The following FOXP1 variants were observed in gnomAD, a reference collection of about 807,000 sequenced individuals.
The protein encoded by FOXP1 is forkhead box P1, also known as forkhead box protein P1.
A neutral mutation model predicts 98.2 loss-of-function variants in FOXP1; 15 were observed. The observed-to-expected ratio is 0.15, with a 90% confidence interval of 0.10 to 0.24. FOXP1 has a LOEUF of 0.24. FOXP1 is among the 10% of genes least tolerant of loss of function. The pLI, the probability that FOXP1 is intolerant of heterozygous loss-of-function variation, is 1.00. For missense variants in FOXP1, 633 were observed against 848.5 expected (o/e 0.75, Z 3.15); for synonymous variants, 371 against 314.5 (o/e 1.18, Z -1.90).
At chr3:71,569,372 G>A (rs1380319309) in intron 2 of FOXP1, among the ~76,000 whole-genome samples, 1 of 152,132 alleles carries the variant, frequency 6.6e-6, no homozygotes, top group Admixed American at 6.5e-5. Flanking sequence ...GGCCCATTAC[G>A]GCCTTATTCC....
chr3:71,437,777 G>A (rs866296986), intron 3 of FOXP1, among the ~76,000 whole-genome samples: 40 of 152,324 alleles, frequency 2.6e-4, no homozygotes, highest in African/African-American at 9.1e-4. Context: ...TTAAGAGCCT[G>A]TTCCTCTGGC....
At chr3:71,151,904 T>TAATGA (rs748401508) in intron 6 of FOXP1, among the ~76,000 whole-genome samples, 30 of 152,290 alleles carry the variant, frequency 2.0e-4, no homozygotes, top group Non-Finnish European at 3.4e-4. Flanking sequence ...AGATGGCCCC[T>TAATGA]AATGACCATA....
chr3:71,565,491 G>A (rs1300871276), intron 2 of FOXP1, among the ~76,000 whole-genome samples: 1 of 152,140 alleles, frequency 6.6e-6, no homozygotes. Context: ...TTCAAATCAA[G>A]AATTACTCAA....
At chr3:71,268,904 C>T (rs1161537736) in intron 5 of FOXP1, among the ~76,000 whole-genome samples, 1 of 152,152 alleles carries the variant, frequency 6.6e-6, no homozygotes, top group Non-Finnish European at 1.5e-5. Flanking sequence ...ATTCCAGGGT[C>T]TCCCTATCAC....
At chr3:71,280,037 G>C (rs1251148584) in intron 5 of FOXP1, among the ~76,000 whole-genome samples, 1 of 149,682 alleles carries the variant, frequency 6.7e-6, no homozygotes, top group Non-Finnish European at 1.5e-5. Flanking sequence ...GCAGGAGAAT[G>C]GCGTGAACCC....
At chr3:71,240,486 G>A (rs1031151074) in intron 5 of FOXP1, among the ~76,000 whole-genome samples, 1 of 152,008 alleles carries the variant, frequency 6.6e-6, no homozygotes, top group Non-Finnish European at 1.5e-5. Context: ...CAGGCAGAAT[G>A]GGGGGAAAAA....
chr3:71,318,576 G>A (rs1232137505), intron 4 of FOXP1, among the ~76,000 whole-genome samples: 5 of 152,318 alleles, frequency 3.3e-5, no homozygotes, highest in South Asian at 2.1e-4. Flanking sequence ...CTAGAAGGCC[G>A]TACCACTCTA....
chr3:71,282,297 A>C (rs750565479), intron 5 of FOXP1, among the ~76,000 whole-genome samples: 27 of 152,132 alleles, frequency 1.8e-4, no homozygotes, highest in Non-Finnish European at 3.5e-4. Context: ...TTTGGGCCAA[A>C]AGACAGTACC....
At chr3:71,546,968 G>C (rs571069985) in intron 2 of FOXP1, among the ~76,000 whole-genome samples, 47 of 152,276 alleles carry the variant, frequency 3.1e-4, no homozygotes, top group South Asian at 1.2e-3. Flanking sequence ...ACACAGAGAG[G>C]AAGAGAGAAA....
At chr3:71,466,463 C>T (rs2088751096) in intron 3 of FOXP1, among the ~76,000 whole-genome samples, 1 of 152,202 alleles carries the variant, frequency 6.6e-6, no homozygotes, top group Non-Finnish European at 1.5e-5. Flanking sequence ...TTGTTCAATA[C>T]ATAACAGAGA....
intron 5 of FOXP1, among the ~76,000 whole-genome samples, chr3:71,199,197 C>T (rs754621157): frequency 2.6e-5 from 4 of 151,732 alleles, no homozygotes; most frequent in East Asian, 2.0e-4. Flanking sequence ...CTCCGCCTCC[C>T]GGGCTCAAGC....
intron 6 of FOXP1, among the ~76,000 whole-genome samples, chr3:71,185,522 A>G (rs916198844): frequency 1.3e-5 from 2 of 152,228 alleles, no homozygotes; most frequent in African/African-American, 4.8e-5. Context: ...AACACCAACT[A>G]AATTATCACA....
At position 71,528,074 on chromosome 3, in the gene FOXP1, T is replaced by A. The variant is rs1014366664; in HGVS notation, c.-297-34519A>T. ...TTTGTGTATAGATGGTTTATTGTTT[T>A]TTTAAGAAATACTCACACACCTAAA... On this transcript the variant is annotated intron_variant, in intron 2 of 20. Coordinates refer to ENST00000649528, the MANE Select transcript of FOXP1 (RefSeq NM_001349338.3). Among the ~76,000 whole-genome samples the A allele has an allele frequency of 2.0e-5, 3 of 152,232 alleles. No individual in the cohort carries two copies. The East Asian group carries it at 5.8e-4, about 29-fold the overall frequency.
intron 7 of FOXP1, among the ~76,000 whole-genome samples, chr3:71,100,911 A>G (rs958372420): frequency 3.9e-5 from 6 of 152,174 alleles, no homozygotes; most frequent in South Asian, 4.1e-4. Flanking sequence ...GGTATGATAC[A>G]TAACGGTTCT....
intron 3 of FOXP1, among the ~76,000 whole-genome samples, chr3:71,396,260 C>CA (rs1168743850): frequency 6.6e-6 from 1 of 152,104 alleles, no homozygotes; most frequent in East Asian, 1.9e-4. Context: ...GCAGGAAGCT[C>CA]AGTAAGTGTC....
intron 5 of FOXP1, among the ~76,000 whole-genome samples, chr3:71,199,546 G>T (rs547970014): frequency 6.6e-6 from 1 of 150,582 alleles, no homozygotes; most frequent in Non-Finnish European, 1.5e-5. Context: ...GGCCAACATG[G>T]TGAAACCCTG....
At chr3:71,325,649 GTATTATTAT>G (rs10575337) in intron 4 of FOXP1, among the ~76,000 whole-genome samples, 115 of 147,846 alleles carry the variant, frequency 7.8e-4, no homozygotes, top group Non-Finnish European at 1.0e-3. Flanking sequence ...TCCTACAAAT[GTATTATTAT>G]TATTATTATT....
At chr3:71,486,958 G>A (rs2090699403) in intron 3 of FOXP1, among the ~76,000 whole-genome samples, 1 of 152,180 alleles carries the variant, frequency 6.6e-6, no homozygotes, top group Non-Finnish European at 1.5e-5. Flanking sequence ...AAAGGAAAAT[G>A]TAAGAAACTT....
chr3:71,243,501 G>T (rs2067463668), intron 5 of FOXP1, among the ~76,000 whole-genome samples: 1 of 152,162 alleles, frequency 6.6e-6, no homozygotes, highest in Admixed American at 6.5e-5. Context: ...TTTGGACAGG[G>T]ATGTATTCAA....
Sources: gnomAD v4.1 joint callset for allele counts (sites outside exome capture counted in the v4.1 genomes callset) on GRCh38, gnomAD v4.1.1 for gene constraint, MANE v1.5 for transcripts, NCBI Gene and HGNC (gene_info 2026-07-23, HGNC 2026-07-21) for gene names.